GPHN: variants seen among roughly 807,000 people sequenced by gnomAD.
GPHN encodes the protein gephyrin.
A neutral mutation model predicts 95.5 loss-of-function variants in GPHN; 17 were observed. The observed-to-expected ratio is 0.18, with a 90% CI of 0.12 to 0.27. The LOEUF (loss-of-function observed/expected upper bound fraction) is 0.27. Among genes scored for constraint, GPHN ranks in the 10% least tolerant of loss-of-function variants. The pLI, the probability that GPHN is intolerant of heterozygous loss-of-function variation, is 1.00. For missense variants in GPHN, 660 were observed against 978.1 expected (o/e 0.67, Z 4.34); for synonymous variants, 320 against 322.5 (o/e 0.99, Z 0.08).
At chr14:67,222,008 C>A in the GPHN span, 1 of 613,598 alleles carries the variant, frequency 1.6e-6, no homozygotes, top group Non-Finnish European at 2.7e-6. Flanking sequence ...GGCTATCTTT[C>A]AAGTGGAAAA....
chr14:67,612,325 T>C, the GPHN span, among the ~76,000 whole-genome samples: 2 of 152,140 alleles, frequency 1.3e-5, 1 homozygote, highest in South Asian at 4.1e-4. Context: ...GGTATGTAAA[T>C]ATGTGCTGGG....
intron 17 of GPHN, among the ~76,000 whole-genome samples, chr14:67,132,686 C>T (rs2079795814): frequency 1.3e-5 from 2 of 151,904 alleles, no homozygotes; most frequent in South Asian, 4.1e-4. Flanking sequence ...TTGCAGTTGA[C>T]ATTTCTGTTT....
At chr14:67,182,467 A>C (rs2083340188), downstream of GPHN, among the ~76,000 whole-genome samples, 1 of 152,220 alleles carries the variant, frequency 6.6e-6, no homozygotes, top group Non-Finnish European at 1.5e-5. Flanking sequence ...GTAAACAAAT[A>C]TTTGATACTG....
intron 5 of GPHN, among the ~76,000 whole-genome samples, chr14:66,887,817 A>C (rs117994820): frequency 0.011 from 1,627 of 152,358 alleles, 16 homozygotes; most frequent in Non-Finnish European, 0.017. Context: ...GAATTTAAAA[A>C]TCATTGTGAT....
chr14:67,501,788 G>A, the GPHN span, among the ~76,000 whole-genome samples: 4 of 152,162 alleles, frequency 2.6e-5, no homozygotes, highest in Admixed American at 2.6e-4. Flanking sequence ...AGGTAATGTA[G>A]AGCACATATC....
chr14:67,147,209 C>T (rs2080950272), intron 18 of GPHN, among the ~76,000 whole-genome samples: 1 of 152,200 alleles, frequency 6.6e-6, no homozygotes, highest in South Asian at 2.1e-4. Context: ...TAAGCTATAT[C>T]ACCTCAGAAG....
chr14:67,398,101 G>A, the GPHN span: 1 of 309,772 alleles, frequency 3.2e-6, no homozygotes. Context: ...TAATCCTACT[G>A]CTAGGAGACA....
the GPHN span, among the ~76,000 whole-genome samples, chr14:67,217,138 G>A: frequency 4.6e-5 from 7 of 151,484 alleles, no homozygotes; most frequent in East Asian, 5.8e-4. Context: ...AAATTGATCC[G>A]TTTATAACTA....
chr14:67,234,942 G>C, the GPHN span, among the ~76,000 whole-genome samples: 1 of 150,422 alleles, frequency 6.6e-6, no homozygotes, highest in Non-Finnish European at 1.5e-5. Context: ...GATCACCTGA[G>C]GTCAGGAGCT....
At chr14:67,096,104 T>G (rs1007361765) in intron 12 of GPHN, among the ~76,000 whole-genome samples, 5 of 151,288 alleles carry the variant, frequency 3.3e-5, no homozygotes, top group East Asian at 1.9e-4. Context: ...ATAAGAAAAA[T>G]GACTCCTCTC....
downstream of GPHN, among the ~76,000 whole-genome samples, chr14:67,182,589 T>C (rs1164513422): frequency 6.6e-6 from 1 of 152,162 alleles, no homozygotes; most frequent in African/African-American, 2.4e-5. Context: ...TCAAGAAATA[T>C]TTGTTAAGCA....
At chr14:66,788,052 G>C (rs539449936) in intron 3 of GPHN, among the ~76,000 whole-genome samples, 6 of 152,136 alleles carry the variant, frequency 3.9e-5, no homozygotes, top group Non-Finnish European at 8.8e-5. Context: ...ACTGCAGGCC[G>C]GGTGCAGTGG....
At chr14:66,899,131 T>G (rs1415558308) in intron 5 of GPHN, among the ~76,000 whole-genome samples, 1 of 151,466 alleles carries the variant, frequency 6.6e-6, no homozygotes, top group Admixed American at 6.6e-5. Context: ...TCTTTTTTTT[T>G]TTTTTGTTTT....
chr14:67,572,128 C>T, the GPHN span: 14 of 1,603,128 alleles, frequency 8.7e-6, no homozygotes, highest in South Asian at 1.0e-4. Flanking sequence ...CCTCCTCCCT[C>T]GGCAAGGCGT....
At chr14:66,871,196 G>A (rs1296617696) in intron 4 of GPHN, among the ~76,000 whole-genome samples, 1 of 152,132 alleles carries the variant, frequency 6.6e-6, no homozygotes, top group Admixed American at 6.6e-5. Flanking sequence ...GTACATAGTA[G>A]ATGCTTAATA....
chr14:66,898,749 T>A (rs1467932485), intron 5 of GPHN, among the ~76,000 whole-genome samples: 1 of 151,954 alleles, frequency 6.6e-6, no homozygotes, highest in Admixed American at 6.6e-5. Flanking sequence ...TTAGAATAAG[T>A]TTGTCTATAT....
At chr14:66,576,120 C>T (rs1260038924) in intron 1 of GPHN, among the ~76,000 whole-genome samples, 1 of 151,894 alleles carries the variant, frequency 6.6e-6, no homozygotes, top group Non-Finnish European at 1.5e-5. Flanking sequence ...CTTCAGGGGC[C>T]AGTTTGGAGC....
chr14:67,607,888 T>G, the GPHN span, among the ~76,000 whole-genome samples: 2 of 152,144 alleles, frequency 1.3e-5, no homozygotes, highest in Non-Finnish European at 2.9e-5. Flanking sequence ...AGGTATCCAG[T>G]AGGGCCTTTG....
the GPHN span, among the ~76,000 whole-genome samples, chr14:67,689,861 T>A: frequency 2.0e-5 from 3 of 152,016 alleles, no homozygotes; most frequent in Non-Finnish European, 4.4e-5. Context: ...GGAGAATCAC[T>A]TGAACCTGGG....
Sources: allele counts gnomAD v4.1 joint callset (sites outside exome capture counted in the v4.1 genomes callset), GRCh38; gene constraint gnomAD v4.1.1; transcripts MANE v1.5; gene names NCBI Gene and HGNC (gene_info 2026-07-23, HGNC 2026-07-21).